The following NR5A1 variants were observed in gnomAD, a reference collection of about 807,000 sequenced individuals.
NR5A1 encodes nuclear receptor subfamily 5 group A member 1.
In NR5A1, 6 loss-of-function variants were observed where a neutral mutation model predicts 42.7. That is an observed-to-expected ratio of 0.14 (90% CI 0.08 to 0.28). The LOEUF (loss-of-function observed/expected upper bound fraction) is 0.28. Among genes scored for constraint, NR5A1 ranks in the 10% least tolerant of loss-of-function variants. The probability of loss-of-function intolerance (pLI) is 1.00; values close to 1 mark genes in which losing one functional copy is unlikely to be tolerated. For synonymous variants in NR5A1, 274 were observed against 277.5 expected, an observed-to-expected ratio of 0.99 and a Z score of 0.12; for missense variants, 442 against 626.4, an observed-to-expected ratio of 0.71 and a Z score of 3.14.
In NR5A1 at chr9:124,501,858, T is replaced by C. The variant is rs1832476820; in HGVS notation, c.245-1143A>G. On this transcript the variant is annotated intron_variant, in intron 3 of 6. Coordinates refer to ENST00000373588, the MANE Select transcript of NR5A1 (RefSeq NM_004959.5). This position sits in a 1 kb window ranked among gnomAD's most constrained non-coding sequence, Gnocchi z 4.1. ...AAGACCTTAATCAACCACTGCCTGTTCAGCACACAGTCCAGTGACCGGCCA... is the reference window on the plus strand; with the variant it reads ...AAGACCTTAATCAACCACTGCCTGTCCAGCACACAGTCCAGTGACCGGCCA... 6.6e-6 allele frequency among the ~76,000 whole-genome samples: 1 copy of C among 152,202 alleles called. No homozygotes were observed. The highest frequency in any genetic ancestry group is 2.4e-5 in the African/African-American group (1 of 41,456).
chr9:124,489,021 G>A (rs963756579), intron 6 of NR5A1, among the ~76,000 whole-genome samples: 4 of 152,220 alleles, frequency 2.6e-5, no homozygotes, highest in Admixed American at 6.5e-5. Flanking sequence ...TTTTGAGCAC[G>A]CCCACACCTG....
chr9:124,492,388 C>T (rs1039698581), intron 5 of NR5A1, among the ~76,000 whole-genome samples: 2 of 151,742 alleles, frequency 1.3e-5, no homozygotes, highest in African/African-American at 2.4e-5. Context: ...TGTCCCTCCT[C>T]CTCCTAAAGC....
rs1588622429 is a variant in NR5A1, at chr9:124,501,048, C to G, written c.245-333G>C. 1 of 602,294 alleles carries G rather than the reference C, an allele frequency of 1.7e-6. No homozygotes were observed. Among genetic ancestry groups the G allele is most frequent in the Non-Finnish European group, 3.2e-6 (1 of 312,082 alleles). The allele number at this position is 602,294 out of a possible 1,614,324, so 37.3% of individuals were successfully genotyped here. A position where few individuals can be genotyped will look rare whatever the true frequency, so the allele number is the denominator to read the frequency against. ...TTTTCTCTTGTGCTTGCTGAACACC[C>G]AGCCTCAATGTCACTACTTCCAGGA... On this transcript the variant is annotated intron_variant, in intron 3 of 6. Coordinates refer to ENST00000373588, the MANE Select transcript of NR5A1 (RefSeq NM_004959.5). The surrounding 1 kb of genome is among the most constrained non-coding windows in gnomAD (Gnocchi z 4.1).
chr9:124,497,886 C>T (rs1039780568), intron 4 of NR5A1, among the ~76,000 whole-genome samples: 4 of 152,338 alleles, frequency 2.6e-5, no homozygotes, highest in South Asian at 2.1e-4. Context: ...AACTGTTCTC[C>T]GACTTCCTTA....
rs903277804 is a variant in NR5A1 at position 124,482,673 on chromosome 9, T to A, written c.*85A>T. 1.1e-5 allele frequency: 16 copies of A among 1,451,430 alleles called. No homozygotes were observed. Among genetic ancestry groups the A allele is most frequent in the Non-Finnish European group, 1.5e-5 (16 of 1,071,696 alleles). 89.9% of individuals were successfully genotyped at this position (1,451,430 alleles called of 1,614,324 possible). A position where few individuals can be genotyped will look rare whatever the true frequency, so the allele number is the denominator to read the frequency against. The stretch of plus-strand genomic sequence containing the variant: ...TCGGTGGGCATCAGAAAATGAACCA[T>A]GCGGAGCCAGCGGTGTGGCTGCGGC... On this transcript the variant is annotated 3_prime_UTR_variant, in exon 7 of 7. Coordinates refer to ENST00000373588, the MANE Select transcript of NR5A1 (RefSeq NM_004959.5).
Position 124,503,133 on chromosome 9 carries a change from G to A in NR5A1, c.190C>T (p.Arg64Cys). The A allele has an allele frequency of 6.3e-7, 1 of 1,597,058 alleles. No individual in the cohort carries two copies. Among genetic ancestry groups the A allele is most frequent in the Non-Finnish European group, 8.5e-7 (1 of 1,173,146 alleles). The change falls in exon 3 of 7, where the codon CGC (arginine) becomes TGC (cysteine). Residue 64 changes from arginine to cysteine, a missense_variant. Physicochemically the swap from Arg to Cys is radical, Grantham distance 180. Coordinates refer to ENST00000373588, the MANE Select transcript of NR5A1 (RefSeq NM_004959.5). The surrounding 1 kb of genome is among the most constrained non-coding windows in gnomAD (Gnocchi z 9.6). ...SCKIDKTQRK[R>C]CPFCRFQKCL... ...TTCTGGAAGCGGCAGAAGGGACAGC[G>A]CTTGCGCTGCGTCTTGTCGATCTTG...
chr9:124,491,782 C>T (rs1311296943), intron 5 of NR5A1, among the ~76,000 whole-genome samples: 3 of 152,158 alleles, frequency 2.0e-5, no homozygotes, highest in African/African-American at 4.8e-5. Context: ...CTCACACTCA[C>T]GGCAACACAT....
chr9:124,482,878 G>A lies in NR5A1; in HGVS notation c.1266C>T (p.Cys422=), dbSNP rs140408680. Residue 422 remains cysteine (C), a synonymous_variant, in exon 7 of 7, where the codon TGC becomes TGT. Coordinates refer to ENST00000373588, the MANE Select transcript of NR5A1 (RefSeq NM_004959.5). ...TGCTCAGGGCCCGCACCTCCACCAG[G>A]CACAGCAGCAGCTGCTGGAATTTGT... ...CGDKFQQLLL[C]LVEVRALSMQ... The A allele has an allele frequency of 2.9e-5, 47 of 1,614,178 alleles. No homozygotes were observed. In the African/African-American group the frequency reaches 5.2e-4, roughly 18 times the overall value.
intron 1 of NR5A1, among the ~76,000 whole-genome samples, chr9:124,504,072 A>AGAGAGAGAGAGG (rs1367395839): frequency 6.7e-6 from 1 of 149,840 alleles, no homozygotes; most frequent in African/African-American, 2.5e-5. Flanking sequence ...AGAGAGAGAG[A>AGAGAGAGAGAGG]GAAACGAGGG....
At position 124,498,935 on chromosome 9, in the gene NR5A1, C is replaced by A. The variant is rs1200889457; in HGVS notation, c.870+1155G>T. Reference sequence around the variant, plus strand: ...ACCTACCAGCCAGGGCAGGCAGTGCCCCCAGCCCATCCGGCCTCATGCCCC... The same window carrying A: ...ACCTACCAGCCAGGGCAGGCAGTGCACCCAGCCCATCCGGCCTCATGCCCC... On this transcript the variant is annotated intron_variant, in intron 4 of 6. Transcript: ENST00000373588. This position sits in a 1 kb window ranked among gnomAD's most constrained non-coding sequence, Gnocchi z 4.6. 6.6e-6 allele frequency among the ~76,000 whole-genome samples: 1 copy of A among 152,196 alleles called. No homozygotes were observed. The highest frequency in any genetic ancestry group is 1.5e-5 in the Non-Finnish European group (1 of 68,028).
At chr9:124,490,867 C>T (rs2131277308) in intron 6 of NR5A1, among the ~76,000 whole-genome samples, 1 of 152,338 alleles carries the variant, frequency 6.6e-6, no homozygotes, top group South Asian at 2.1e-4. Context: ...TCACATGGGC[C>T]ACCAGAGCGG....
chr9:124,503,485 C>A lies in NR5A1; in HGVS notation c.-15-75G>T. On this transcript the variant is annotated intron_variant, in intron 1 of 6. Transcript: ENST00000373588. The surrounding 1 kb of genome is among the most constrained non-coding windows in gnomAD (Gnocchi z 9.6). ...GGGTCCCCGCGGCCGCCGCCCCAGC[C>A]GCTGTCGCCGGCCCGTCGCGTAATC... 8.0e-7 allele frequency: 1 copy of A among 1,244,114 alleles called. No individual in the cohort carries two copies. Among genetic ancestry groups the A allele is most frequent in the South Asian group, 1.5e-5 (1 of 68,880 alleles). The allele number at this position is 1,244,114 out of a possible 1,614,324, so 77.1% of individuals were successfully genotyped here.
At chr9:124,502,643 A>G (rs75779578) in intron 3 of NR5A1, among the ~76,000 whole-genome samples, 2,157 of 152,316 alleles carry the variant, frequency 0.014, 31 homozygotes, top group Non-Finnish European at 0.023. Context: ...CATGTTTCAC[A>G]TGGGAAATCT....
chr9:124,492,877 T>C (rs974179560), intron 5 of NR5A1, among the ~76,000 whole-genome samples, 153 bp downstream of exon 5: 1 of 152,038 alleles, frequency 6.6e-6, no homozygotes, highest in Non-Finnish European at 1.5e-5. Context: ...TTTGGGCCAG[T>C]GGGTGTTCCA....
At chr9:124,491,676 GTC>G (rs1491407683) in intron 5 of NR5A1, among the ~76,000 whole-genome samples, 2 of 151,606 alleles carry the variant, frequency 1.3e-5, no homozygotes, top group Non-Finnish European at 2.9e-5. Flanking sequence ...TCAGCTCAGA[GTC>G]ACACACACAC....
intron 4 of NR5A1, 51 bp from the exon 5 acceptor site, chr9:124,493,200 C>T (rs754645387): frequency 7.3e-5 from 115 of 1,579,766 alleles, no homozygotes; most frequent in Non-Finnish European, 9.6e-5. Context: ...GGTCCAGGGA[C>T]CTTCCTCTCA....
At chr9:124,502,173 G>A (rs552727435) in intron 3 of NR5A1, among the ~76,000 whole-genome samples, 1 of 152,272 alleles carries the variant, frequency 6.6e-6, no homozygotes, top group Non-Finnish European at 1.5e-5. Flanking sequence ...TGGAAAGCGT[G>A]ATGGGCTTGA....
intron 4 of NR5A1, among the ~76,000 whole-genome samples, chr9:124,497,177 GT>G (rs1832401886): frequency 1.3e-5 from 2 of 152,166 alleles, no homozygotes; most frequent in Admixed American, 6.5e-5. Flanking sequence ...CCCGCGCTCA[GT>G]TCTTCCCCTG....
rs1327268667 is a variant in NR5A1, at chr9:124,482,547, C to T, written c.*211G>A. 8 of 639,354 alleles carry T rather than the reference C, an allele frequency of 1.3e-5. No homozygotes were observed. In the African/African-American group the frequency reaches 1.3e-4, roughly 10 times the overall value. 39.6% of individuals were successfully genotyped at this position (639,354 alleles called of 1,614,324 possible). A position where few individuals can be genotyped will look rare whatever the true frequency, so the allele number is the denominator to read the frequency against. On this transcript the variant is annotated 3_prime_UTR_variant, in exon 7 of 7. Transcript: ENST00000373588. The stretch of plus-strand genomic sequence containing the variant: ...CCAAGCAGCAGGCAAGTGCCAGTGG[C>T]CACTCCACCTCCGCCAGGCCCTGCC...
Sources: allele counts gnomAD v4.1 joint callset (sites outside exome capture counted in the v4.1 genomes callset), GRCh38; gene constraint gnomAD v4.1.1; non-coding constraint Gnocchi (gnomAD v3.1); transcripts MANE v1.5; gene names NCBI Gene and HGNC (gene_info 2026-07-23, HGNC 2026-07-21).